Variants in NR3C2 observed in about 807,000 individuals in gnomAD.
The protein encoded by NR3C2 is nuclear receptor subfamily 3 group C member 2, also known as mineralocorticoid receptor.
NR3C2 carries 15 observed loss-of-function variants against 86.4 expected under a neutral mutation model. The observed-to-expected ratio is 0.17, with a 90% confidence interval of 0.12 to 0.27. The LOEUF (loss-of-function observed/expected upper bound fraction) is 0.27. NR3C2 is among the 10% of genes least tolerant of loss of function. The probability of loss-of-function intolerance (pLI) is 1.00; values close to 1 mark genes in which losing one functional copy is unlikely to be tolerated. For synonymous variants in NR3C2, 458 were observed against 450.5 expected (o/e 1.02, Z -0.21); for missense variants, 960 against 1,195.6 (o/e 0.80, Z 2.91).
intron 4 of NR3C2, among the ~76,000 whole-genome samples, chr4:148,157,160 T>TG (rs1466019841): frequency 5.7e-4 from 31 of 54,516 alleles, no homozygotes; most frequent in African/African-American, 2.2e-3. Flanking sequence ...TGTTGTGGGG[T>TG]GGGGGGAGGG....
intron 2 of NR3C2, among the ~76,000 whole-genome samples, chr4:148,363,445 T>C (rs1745942817): frequency 6.7e-6 from 1 of 150,016 alleles, no homozygotes; most frequent in Admixed American, 6.6e-5. Context: ...GGGGACAGGA[T>C]TTTTTACATG....
intron 6 of NR3C2, among the ~76,000 whole-genome samples, chr4:148,141,039 A>G (rs1270471689): frequency 6.6e-6 from 1 of 152,194 alleles, no homozygotes; most frequent in Admixed American, 6.5e-5. Flanking sequence ...AGTCTCCAAA[A>G]CACTGTAAGG....
intron 2 of NR3C2, among the ~76,000 whole-genome samples, chr4:148,352,220 C>G (rs994676096): frequency 1.3e-5 from 2 of 152,134 alleles, no homozygotes; most frequent in Admixed American, 6.6e-5. Flanking sequence ...ATTCCTCTCT[C>G]TGTTTTTGAA....
intron 2 of NR3C2, among the ~76,000 whole-genome samples, chr4:148,333,033 A>C (rs1462600043): frequency 6.6e-6 from 1 of 152,196 alleles, no homozygotes; most frequent in Non-Finnish European, 1.5e-5. Flanking sequence ...TGGGAGGCCA[A>C]GGTGGGCAGA....
intron 1 of NR3C2, among the ~76,000 whole-genome samples, chr4:148,438,012 C>T (rs1241448283): frequency 6.6e-6 from 1 of 152,128 alleles, no homozygotes; most frequent in Non-Finnish European, 1.5e-5. Context: ...TTCATTTATC[C>T]TTACACACAA....
At chr4:148,186,068 T>C (rs1321682180) in intron 4 of NR3C2, among the ~76,000 whole-genome samples, 1 of 152,204 alleles carries the variant, frequency 6.6e-6, no homozygotes, top group Non-Finnish European at 1.5e-5. Context: ...TGTACCAATT[T>C]ATTCTCCCAC....
intron 2 of NR3C2, among the ~76,000 whole-genome samples, chr4:148,277,223 T>C (rs1053556668): frequency 1.9e-4 from 29 of 152,204 alleles, no homozygotes; most frequent in Non-Finnish European, 3.7e-4. Context: ...TTAAATTTCA[T>C]CTCTAAAAAA....
intron 3 of NR3C2, among the ~76,000 whole-genome samples, chr4:148,215,774 G>T (rs796645599): frequency 7.0e-6 from 1 of 143,540 alleles, no homozygotes; most frequent in African/African-American, 2.6e-5. Flanking sequence ...GGCTTTTTGA[G>T]GCATAGTTTT....
At chr4:148,384,475 GTT>G (rs139815137) in intron 2 of NR3C2, among the ~76,000 whole-genome samples, 1 of 151,242 alleles carries the variant, frequency 6.6e-6, no homozygotes, top group African/African-American at 2.4e-5. Flanking sequence ...ATAAGAATTT[GTT>G]TTTTTTCAAA....
intron 2 of NR3C2, among the ~76,000 whole-genome samples, chr4:148,418,062 G>A (rs1454845538): frequency 1.3e-5 from 2 of 152,096 alleles, no homozygotes; most frequent in African/African-American, 2.4e-5. Context: ...GTTTGTGAAT[G>A]ACATACTGTT....
rs1001181584 is a variant in NR3C2, at chr4:148,081,206, G to A, written c.*138C>T. On this transcript the variant is annotated 3_prime_UTR_variant, in exon 9 of 9. Transcript: ENST00000358102. ...ACAGCTTTCCCGGCTCCAAACCTCT[G>A]ACATGACTTTAAACTTGAGAAACTG... is the stretch of plus-strand genomic sequence containing the variant. 13 of 1,260,670 alleles carry A rather than the reference G, an allele frequency of 1.0e-5. No homozygotes were observed. In the African/African-American group the frequency reaches 1.9e-4, roughly 19 times the overall value. The allele number at this position is 1,260,670 out of a possible 1,614,324, so 78.1% of individuals were successfully genotyped here. A position where few individuals can be genotyped will look rare whatever the true frequency, so the allele number is the denominator to read the frequency against.
At chr4:148,393,608 G>A (rs955890997) in intron 2 of NR3C2, among the ~76,000 whole-genome samples, 1 of 152,132 alleles carries the variant, frequency 6.6e-6, no homozygotes, top group Non-Finnish European at 1.5e-5. Flanking sequence ...CAGCTCCTCA[G>A]GGACACAGGG....
At chr4:148,127,044 T>C (rs1732782617) in intron 6 of NR3C2, among the ~76,000 whole-genome samples, 1 of 152,238 alleles carries the variant, frequency 6.6e-6, no homozygotes, top group Admixed American at 6.5e-5. Flanking sequence ...CACTCATTTG[T>C]TTATTCTTTG....
At chr4:148,105,259 C>T (rs1411715452) in intron 8 of NR3C2, among the ~76,000 whole-genome samples, 1 of 152,176 alleles carries the variant, frequency 6.6e-6, no homozygotes, top group Non-Finnish European at 1.5e-5. Context: ...CTATAAACAC[C>T]TCTATACAAA....
At chr4:148,169,233 A>C (rs1338813412) in intron 4 of NR3C2, among the ~76,000 whole-genome samples, 1 of 152,210 alleles carries the variant, frequency 6.6e-6, no homozygotes, top group Non-Finnish European at 1.5e-5. Context: ...AGTATGGTTA[A>C]GAAATCACTT....
chr4:148,345,248 T>C (rs1418958954), intron 2 of NR3C2, among the ~76,000 whole-genome samples: 2 of 150,618 alleles, frequency 1.3e-5, no homozygotes, highest in Non-Finnish European at 2.9e-5. Flanking sequence ...TTTTAGTTAG[T>C]TTTTTTTTAA....
At chr4:148,228,622 AT>A (rs1212913229) in intron 3 of NR3C2, among the ~76,000 whole-genome samples, 1 of 152,122 alleles carries the variant, frequency 6.6e-6, no homozygotes, top group African/African-American at 2.4e-5. Context: ...TTCCCTTTGC[AT>A]TTTCTTAATG....
chr4:148,392,265 A>G (rs1747624621), intron 2 of NR3C2, among the ~76,000 whole-genome samples: 1 of 152,254 alleles, frequency 6.6e-6, no homozygotes, highest in Admixed American at 6.5e-5. Flanking sequence ...TTTAACAATC[A>G]TTTCACATCA....
chr4:148,435,248 G>C lies in NR3C2; in HGVS notation c.1613C>G (p.Ser538Trp). The C allele has an allele frequency of 1.9e-6, 3 of 1,614,156 alleles. No individual in the cohort carries two copies. Among genetic ancestry groups the C allele is most frequent in the South Asian group, 1.1e-5 (1 of 91,078 alleles). The change falls in exon 2 of 9, where the codon TCG (serine) becomes TGG (tryptophan). Residue 538 changes from serine to tryptophan, a missense_variant. This residue lies in a region of NR3C2 where 680 missense variants were observed against 719.0 expected (regional missense o/e 0.95). Coordinates refer to ENST00000358102, the MANE Select transcript of NR3C2 (RefSeq NM_000901.5). The stretch of plus-strand genomic sequence containing the variant: ...GTGTTGGAAAGATTGGTCTCTAGCC[G>C]ATCGTGATAAAGATATTGTACCTTG... The part of the protein sequence containing the change: ...GAQGTISLSR[S>W]ARDQSFQHLS...
Sources: allele counts gnomAD v4.1 joint callset (sites outside exome capture counted in the v4.1 genomes callset), GRCh38; gene constraint gnomAD v4.1.1; regional missense constraint gnomAD v4.1.1; transcripts MANE v1.5; gene names NCBI Gene and HGNC (gene_info 2026-07-23, HGNC 2026-07-21).